DSE: variants seen among roughly 807,000 people sequenced by gnomAD.
DSE encodes dermatan-sulfate epimerase.
Under a neutral mutation model 84.4 loss-of-function variants are expected in DSE, and 36 were observed. The ratio of observed to expected loss-of-function variants is 0.43; its 90% CI spans 0.33 to 0.56. The LOEUF is 0.56. Ranked by LOEUF, DSE falls within the 20% of genes least tolerant of loss-of-function variation. The pLI is 0.06. For synonymous variants in DSE, 410 were observed against 430.1 expected, an observed-to-expected ratio of 0.95 and a Z score of 0.58; for missense variants, 862 against 1,169.6, an observed-to-expected ratio of 0.74 and a Z score of 3.84.
At position 116,431,344 on chromosome 6, in the gene DSE, C is replaced by T. The variant is rs374818690; in HGVS notation, c.910+151C>T. The stretch of plus-strand genomic sequence containing the variant: ...TTTTTAATCAAAGAAAAATTGAATT[C>T]AAGAGTTGCATATAGCCAGAACATT... On this transcript the variant is annotated intron_variant, in intron 4 of 5. Transcript: ENST00000644252. 5 of 1,141,232 alleles carry T rather than the reference C, an allele frequency of 4.4e-6. No individual in the cohort carries two copies. The African/African-American group carries it at 7.9e-5, about 18-fold the overall frequency. 70.7% of individuals were successfully genotyped at this position (1,141,232 alleles called of 1,614,324 possible).
chr6:116,343,925 T>C (rs957248757), intron 2 of DSE, among the ~76,000 whole-genome samples: 3 of 152,048 alleles, frequency 2.0e-5, no homozygotes, highest in African/African-American at 4.8e-5. Context: ...GAATAAACAG[T>C]GTAGAGAAGA....
chr6:116,400,525 T>A (rs1056097793), intron 2 of DSE: 2 of 152,206 alleles, frequency 1.3e-5, no homozygotes, highest in Non-Finnish European at 2.9e-5. Context: ...ATGCACCTAA[T>A]GCTATGATGA....
At chr6:116,325,404 G>T (rs900415077) in intron 2 of DSE, among the ~76,000 whole-genome samples, 2 of 152,208 alleles carry the variant, frequency 1.3e-5, no homozygotes, top group African/African-American at 4.8e-5. Flanking sequence ...AGTTCTTGAG[G>T]TAGGTATCAT....
chr6:116,363,069 T>TC (rs752344410), intron 2 of DSE, among the ~76,000 whole-genome samples: 4 of 152,076 alleles, frequency 2.6e-5, no homozygotes, highest in African/African-American at 7.2e-5. Flanking sequence ...CCCATTAATT[T>TC]CCCCCCAGAC....
chr6:116,259,441 G>A (rs1301768274), intron 2 of DSE, among the ~76,000 whole-genome samples: 1 of 152,116 alleles, frequency 6.6e-6, no homozygotes, highest in South Asian at 2.1e-4. Context: ...ATAAAGTTCT[G>A]GAGGAAAAGG....
chr6:116,390,192 C>T (rs1208952570), intron 1 of DSE, among the ~76,000 whole-genome samples: 2 of 151,984 alleles, frequency 1.3e-5, no homozygotes, highest in Admixed American at 1.3e-4. Flanking sequence ...CTCAGCCTCC[C>T]AAGTAGCTGG....
chr6:116,294,360 C>G (rs1232056905), intron 2 of DSE, among the ~76,000 whole-genome samples: 1 of 152,062 alleles, frequency 6.6e-6, no homozygotes, highest in Non-Finnish European at 1.5e-5. Context: ...AAGCAGGGTG[C>G]TGGAATTAGC....
In DSE at chr6:116,439,707, C is replaced by T. The variant is rs1043715311; in HGVS notation, c.*2362C>T. 6.6e-6 allele frequency: 1 copy of T among 152,102 alleles called. No homozygotes were observed. Among genetic ancestry groups the T allele is most frequent in the African/African-American group, 2.4e-5 (1 of 41,420 alleles). The allele number at this position is 152,102 out of a possible 1,614,324, so 9.4% of individuals were successfully genotyped here. A position where few individuals can be genotyped will look rare whatever the true frequency, so the allele number is the denominator to read the frequency against. On this transcript the variant is annotated 3_prime_UTR_variant, in exon 6 of 6. Transcript: ENST00000644252. Reference sequence around the variant, plus strand: ...GCTGCTCACTATGACAGGAATGTTTCAAGTTCATTTGATAATATGTGAGCT... The same window carrying T: ...GCTGCTCACTATGACAGGAATGTTTTAAGTTCATTTGATAATATGTGAGCT...
chr6:116,367,386 G>A (rs1299331251), upstream of DSE, among the ~76,000 whole-genome samples: 3 of 152,244 alleles, frequency 2.0e-5, no homozygotes, highest in African/African-American at 7.2e-5. Context: ...GGAAGCAGAT[G>A]TATAGTCATG....
chr6:116,300,465 A>G (rs539706863), intron 2 of DSE, among the ~76,000 whole-genome samples: 2 of 152,328 alleles, frequency 1.3e-5, no homozygotes, highest in African/African-American at 4.8e-5. Flanking sequence ...AAAATTCCAC[A>G]GTATTGAAGA....
chr6:116,321,442 G>A (rs1002369853), intron 2 of DSE, among the ~76,000 whole-genome samples: 3 of 150,308 alleles, frequency 2.0e-5, no homozygotes, highest in East Asian at 2.0e-4. Context: ...CCAAAGCACC[G>A]AGATTTGACA....
intron 2 of DSE, chr6:116,412,401 G>A (rs76707810): frequency 0.024 from 3,592 of 152,326 alleles, 134 homozygotes; most frequent in African/African-American, 0.083. Context: ...GATCTCCTGG[G>A]TTCCTCCTGA....
chr6:116,258,702 A>G lies in DSE; in HGVS notation c.-319A>G, dbSNP rs749947044. 1.9e-6 allele frequency: 3 copies of G among 1,605,902 alleles called. No individual in the cohort carries two copies. In the South Asian group the frequency reaches 3.3e-5, roughly 18 times the overall value. ...CACGGCGAAGTGGGGACACGTCCACAGCCTGTCGTCTCACAGTCCCGGCGC... is the reference window on the plus strand; with the variant it reads ...CACGGCGAAGTGGGGACACGTCCACGGCCTGTCGTCTCACAGTCCCGGCGC... On this transcript the variant is annotated 5_prime_UTR_variant, in exon 2 of 4. Transcript: ENST00000430252.
intron 2 of DSE, among the ~76,000 whole-genome samples, chr6:116,301,172 G>GGA (rs375062902): frequency 6.0e-5 from 9 of 149,728 alleles, no homozygotes; most frequent in South Asian, 2.1e-4. Context: ...AGGGAGGGAG[G>GGA]GAGAGAGAGA....
At chr6:116,299,557 T>C (rs10456905) in intron 2 of DSE, among the ~76,000 whole-genome samples, 28,372 of 68,586 alleles carry the variant, frequency 0.41, 6,160 homozygotes, top group Non-Finnish European at 0.56. Flanking sequence ...TATATACACA[T>C]ACACACACAC....
chr6:116,303,839 A>G (rs990790202), intron 2 of DSE, among the ~76,000 whole-genome samples: 2 of 152,172 alleles, frequency 1.3e-5, no homozygotes, highest in African/African-American at 2.4e-5. Context: ...ATATCCTGCA[A>G]TAAGAAACAG....
chr6:116,259,927 G>A (rs1051702756), intron 2 of DSE, among the ~76,000 whole-genome samples: 1 of 152,138 alleles, frequency 6.6e-6, no homozygotes, highest in Admixed American at 6.5e-5. Flanking sequence ...GCTTTGCTAT[G>A]TGAATAACAC....
intron 2 of DSE, among the ~76,000 whole-genome samples, chr6:116,290,478 G>A (rs1774210980): frequency 6.6e-6 from 1 of 152,082 alleles, no homozygotes; most frequent in Non-Finnish European, 1.5e-5. Flanking sequence ...AATATCTCCT[G>A]CTACTGCTGA....
rs772898380 is a variant in DSE at position 116,399,443 on chromosome 6, G to A, written c.193G>A (p.Glu65Lys). ...ELQLRAASSHEHIAARLTEAV... is the reference protein window; with the variant it reads ...ELQLRAASSHKHIAARLTEAV... ...GCAGCTCAGGGCTGCCAGCTCGCAC[G>A]AGCACATTGCAGCCCGCCTCACGGA... Residue 65 changes from glutamate (E) to lysine (K), a missense_variant, in exon 2 of 6, where the codon GAG becomes AAG. Glu to Lys is a moderately conservative substitution (Grantham distance 56). Coordinates refer to ENST00000644252, the MANE Select transcript of DSE (RefSeq NM_013352.4). The A allele has an allele frequency of 1.1e-5, 18 of 1,614,200 alleles. No homozygotes were observed. The East Asian group carries it at 1.8e-4, about 16-fold the overall frequency.
Sources: allele counts gnomAD v4.1 joint callset (sites outside exome capture counted in the v4.1 genomes callset), GRCh38; gene constraint gnomAD v4.1.1; transcripts MANE v1.5; gene names NCBI Gene and HGNC (gene_info 2026-07-23, HGNC 2026-07-21).